The following LRFN5 variants were observed in gnomAD, a reference collection of about 807,000 sequenced individuals.
The protein encoded by LRFN5 is leucine rich repeat and fibronectin type III domain containing 5.
A neutral mutation model predicts 45.6 loss-of-function variants in LRFN5; 24 were observed. The ratio of observed to expected loss-of-function variants is 0.53; its 90% CI spans 0.38 to 0.74. The LOEUF (loss-of-function observed/expected upper bound fraction) is 0.74. LRFN5 is among the 30% of genes least tolerant of loss of function. The pLI, the probability that LRFN5 is intolerant of heterozygous loss-of-function variation, is 0.00. For missense variants in LRFN5, 776 were observed against 861.5 expected (o/e 0.90, Z 1.24); for synonymous variants, 340 against 313.8 (o/e 1.08, Z -0.88).
intron 2 of LRFN5, among the ~76,000 whole-genome samples, chr14:41,773,740 A>C (rs1401197490): frequency 6.6e-6 from 1 of 152,232 alleles, no homozygotes; most frequent in African/African-American, 2.4e-5. Context: ...GTGGAAAAGG[A>C]GATTACTTCC....
chr14:41,650,511 T>C, intron 1 of LRFN5, among the ~76,000 whole-genome samples: 1 of 152,144 alleles, frequency 6.6e-6, no homozygotes, highest in Non-Finnish European at 1.5e-5. Context: ...AATGGAAATT[T>C]ACATGAACTC....
intron 2 of LRFN5, among the ~76,000 whole-genome samples, chr14:41,866,103 A>G (rs987470021): frequency 7.2e-5 from 11 of 152,296 alleles, no homozygotes; most frequent in Admixed American, 5.2e-4. Context: ...TTGATGACAC[A>G]TCTAAAAAAC....
At chr14:41,821,788 T>C (rs1189584136) in intron 2 of LRFN5, among the ~76,000 whole-genome samples, 2 of 143,970 alleles carry the variant, frequency 1.4e-5, no homozygotes, top group Non-Finnish European at 3.0e-5. Context: ...TTTTTTTTTT[T>C]AATTGGGGTG....
chr14:41,636,553 AT>A (rs1160102763), intron 1 of LRFN5, among the ~76,000 whole-genome samples: 4 of 152,014 alleles, frequency 2.6e-5, no homozygotes, highest in Non-Finnish European at 4.4e-5. Flanking sequence ...AACATGGCAC[AT>A]GTATACATAT....
intron 2 of LRFN5, among the ~76,000 whole-genome samples, chr14:41,857,422 A>G (rs1889508369): frequency 6.6e-6 from 1 of 152,218 alleles, no homozygotes. Flanking sequence ...AATAGATGGA[A>G]TAATATAATT....
intron 2 of LRFN5, among the ~76,000 whole-genome samples, chr14:41,781,542 G>T (rs1886484338): frequency 7.1e-6 from 1 of 139,992 alleles, no homozygotes; most frequent in Non-Finnish European, 1.5e-5. Flanking sequence ...AAGGAAGGAA[G>T]GAAGGAGAAA....
intron 1 of LRFN5, among the ~76,000 whole-genome samples, chr14:41,641,978 CCCTAAA>C (rs1487358565): frequency 1.3e-5 from 2 of 152,040 alleles, no homozygotes; most frequent in Non-Finnish European, 2.9e-5. Flanking sequence ...TTGAAATTGA[CCCTAAA>C]CCATGTTCTA....
At chr14:41,726,742 C>T (rs556485721) in intron 1 of LRFN5, among the ~76,000 whole-genome samples, 2 of 152,148 alleles carry the variant, frequency 1.3e-5, no homozygotes, top group South Asian at 4.1e-4. Flanking sequence ...TATAGTTAAA[C>T]TGCTGAACTG....
intron 4 of LRFN5, chr14:41,894,394 AAAT>A: frequency 1.1e-6 from 1 of 874,998 alleles, no homozygotes; most frequent in Non-Finnish European, 1.4e-6. Flanking sequence ...ACACCATTGA[AAAT>A]AATTTAATGT....
At chr14:41,684,574 T>TG (rs1395162946) in intron 1 of LRFN5, among the ~76,000 whole-genome samples, 2 of 152,096 alleles carry the variant, frequency 1.3e-5, no homozygotes, top group Admixed American at 1.3e-4. Flanking sequence ...TCCTTTAACA[T>TG]GTGGGGATTA....
At chr14:41,859,376 C>T (rs1489106008) in intron 2 of LRFN5, among the ~76,000 whole-genome samples, 1 of 152,326 alleles carries the variant, frequency 6.6e-6, no homozygotes, top group East Asian at 1.9e-4. Context: ...AAATACAATT[C>T]TGCAGGTAAA....
intron 1 of LRFN5, among the ~76,000 whole-genome samples, chr14:41,658,982 CT>C (rs1489830502): frequency 1.3e-5 from 2 of 151,774 alleles, no homozygotes; most frequent in Non-Finnish European, 2.9e-5. Context: ...ACCGTGTTTT[CT>C]TTTTTTCTTA....
intron 1 of LRFN5, among the ~76,000 whole-genome samples, chr14:41,668,325 A>G (rs1881003919): frequency 6.6e-6 from 1 of 152,146 alleles, no homozygotes; most frequent in African/African-American, 2.4e-5. Context: ...TTTTGTAGGA[A>G]GAATTAGGAA....
At chr14:41,711,455 A>C (rs778570346) in intron 1 of LRFN5, among the ~76,000 whole-genome samples, 2 of 152,148 alleles carry the variant, frequency 1.3e-5, no homozygotes, top group Non-Finnish European at 2.9e-5. Context: ...TGAATCATAG[A>C]GATAAGAAAA....
chr14:41,855,767 C>G (rs1404203003), intron 2 of LRFN5, among the ~76,000 whole-genome samples: 1 of 152,146 alleles, frequency 6.6e-6, no homozygotes, highest in Non-Finnish European at 1.5e-5. Context: ...ACAATCCAAA[C>G]ATAAATTTCA....
rs555649334 is a variant in LRFN5 at position 41,758,606 on chromosome 14, A to C, written c.-196-8248A>C. 2.0e-5 allele frequency among the ~76,000 whole-genome samples: 3 copies of C among 152,330 alleles called. No homozygotes were observed. The South Asian group carries it at 6.2e-4, about 32-fold the overall frequency. On this transcript the variant is annotated intron_variant, in intron 1 of 5. Coordinates refer to ENST00000298119, the MANE Select transcript of LRFN5 (RefSeq NM_152447.5). Reference sequence around the variant, plus strand: ...TTCTTAAGTCAATGTTAAAATGCTGAACAAGAAAAGACCAAGGACAGCAGG... The same window carrying C: ...TTCTTAAGTCAATGTTAAAATGCTGCACAAGAAAAGACCAAGGACAGCAGG...
chr14:41,799,422 T>C (rs1179509640), intron 2 of LRFN5, among the ~76,000 whole-genome samples: 1 of 151,998 alleles, frequency 6.6e-6, no homozygotes, highest in Non-Finnish European at 1.5e-5. Context: ...TAACAACTAA[T>C]AGCACTGTTT....
intron 1 of LRFN5, among the ~76,000 whole-genome samples, chr14:41,765,910 A>T (rs963172079): frequency 6.6e-6 from 1 of 152,160 alleles, no homozygotes; most frequent in Non-Finnish European, 1.5e-5. Context: ...ATCTTAAGAC[A>T]ATATAATCAC....
chr14:41,779,645 C>T (rs1017363024), intron 2 of LRFN5, among the ~76,000 whole-genome samples: 14 of 151,702 alleles, frequency 9.2e-5, no homozygotes, highest in African/African-American at 3.4e-4. Flanking sequence ...ACTCAATGTC[C>T]GTTAACAGAT....
Sources: allele counts gnomAD v4.1 joint callset (sites outside exome capture counted in the v4.1 genomes callset), GRCh38; gene constraint gnomAD v4.1.1; transcripts MANE v1.5; gene names NCBI Gene and HGNC (gene_info 2026-07-23, HGNC 2026-07-21).